MEGF11: variants seen among roughly 807,000 people sequenced by gnomAD.
MEGF11 encodes multiple EGF like domains 11.
MEGF11 carries 126 observed loss-of-function variants against 146.6 expected under a neutral mutation model. The observed-to-expected ratio is 0.86, with a 90% CI of 0.74 to 1.00. The LOEUF (loss-of-function observed/expected upper bound fraction) is 1.00, where lower values mean the gene tolerates loss of function less well. MEGF11 is among the 50% of genes least tolerant of loss of function. MEGF11 has a pLI of 0.00. For synonymous variants in MEGF11, 532 were observed against 583.4 expected (o/e 0.91, Z 1.27); for missense variants, 1,509 against 1,521.2 (o/e 0.99, Z 0.13).
chr15:66,175,291 T>C (rs1262761153), intron 1 of MEGF11, among the ~76,000 whole-genome samples: 2 of 152,100 alleles, frequency 1.3e-5, no homozygotes, highest in Non-Finnish European at 1.5e-5. Flanking sequence ...AAAATACCAA[T>C]GACAGTCTTC....
At chr15:66,010,993 ACT>A in intron 5 of MEGF11, among the ~76,000 whole-genome samples, 1 of 151,712 alleles carries the variant, frequency 6.6e-6, no homozygotes, top group South Asian at 2.1e-4. Flanking sequence ...GACAATGGAG[ACT>A]CTCTATGTGG....
intron 1 of MEGF11, among the ~76,000 whole-genome samples, chr15:66,146,474 GGGAT>G (rs2089374991): frequency 6.6e-6 from 1 of 152,246 alleles, no homozygotes; most frequent in Non-Finnish European, 1.5e-5. Flanking sequence ...CCGTTTGGAT[GGGAT>G]GGCCTCATCA....
At chr15:66,162,651 A>G (rs1177370973) in intron 1 of MEGF11, among the ~76,000 whole-genome samples, 2 of 152,216 alleles carry the variant, frequency 1.3e-5, no homozygotes, top group Non-Finnish European at 2.9e-5. Flanking sequence ...GGGAGAGGGC[A>G]TTGATGCCAA....
intron 2 of MEGF11, among the ~76,000 whole-genome samples, chr15:66,124,935 G>T (rs1385405163): frequency 6.6e-6 from 1 of 152,258 alleles, no homozygotes; most frequent in African/African-American, 2.4e-5. Context: ...ATGTAGGCTG[G>T]TATTATTCAG....
chr15:66,004,401 G>T (rs28584978), intron 5 of MEGF11, among the ~76,000 whole-genome samples: 3,843 of 140,230 alleles, frequency 0.027, 165 homozygotes, highest in African/African-American at 0.093. Flanking sequence ...GGGCACAGAG[G>T]GGGGGCTTCA....
chr15:66,141,233 G>GGTGTGTGT (rs572801225), intron 1 of MEGF11, among the ~76,000 whole-genome samples: 6 of 97,202 alleles, frequency 6.2e-5, no homozygotes, highest in African/African-American at 2.3e-4. Context: ...CAGACTCAGG[G>GGTGTGTGT]GTGTGTGTGT....
At chr15:66,203,274 A>G (rs1338117715) in intron 1 of MEGF11, among the ~76,000 whole-genome samples, 1 of 152,174 alleles carries the variant, frequency 6.6e-6, no homozygotes, top group Non-Finnish European at 1.5e-5. Flanking sequence ...CCCGCCTCAC[A>G]TGCAGGCTAC....
intron 1 of MEGF11, among the ~76,000 whole-genome samples, chr15:66,202,819 T>C (rs2091198967): frequency 1.3e-5 from 2 of 152,186 alleles, no homozygotes; most frequent in African/African-American, 4.8e-5. Flanking sequence ...CAGAGGGCGA[T>C]GGTCTGGCCC....
At chr15:66,177,169 T>A (rs574394857) in intron 1 of MEGF11, among the ~76,000 whole-genome samples, 2 of 152,278 alleles carry the variant, frequency 1.3e-5, no homozygotes, top group South Asian at 4.2e-4. Flanking sequence ...CCCCAAATTA[T>A]TCATATATAT....
At chr15:66,162,501 C>T (rs1264649012) in intron 1 of MEGF11, among the ~76,000 whole-genome samples, 1 of 152,058 alleles carries the variant, frequency 6.6e-6, no homozygotes, top group Non-Finnish European at 1.5e-5. Context: ...TGACGTTATG[C>T]CAAGCACAAG....
intron 5 of MEGF11, among the ~76,000 whole-genome samples, chr15:66,042,648 G>A (rs1036535318): frequency 6.6e-6 from 1 of 152,168 alleles, no homozygotes; most frequent in Admixed American, 6.5e-5. Context: ...AGTCCTGGCA[G>A]GGACACACTC....
At chr15:66,245,604 C>A (rs1308537890) in intron 1 of MEGF11, among the ~76,000 whole-genome samples, 1 of 152,112 alleles carries the variant, frequency 6.6e-6, no homozygotes, top group Non-Finnish European at 1.5e-5. Context: ...TGCACACCAG[C>A]CTGGGCAACA....
chr15:66,236,507 G>A (rs895233149), intron 1 of MEGF11, among the ~76,000 whole-genome samples: 1 of 152,190 alleles, frequency 6.6e-6, no homozygotes, highest in African/African-American at 2.4e-5. Flanking sequence ...CAGCTCTTCA[G>A]TCTGGGGGCA....
intron 5 of MEGF11, among the ~76,000 whole-genome samples, chr15:66,063,351 C>T (rs558157389): frequency 6.8e-4 from 103 of 152,262 alleles, no homozygotes; most frequent in African/African-American, 2.0e-3. Flanking sequence ...AGGTCAGATG[C>T]AGGGAGCCCA....
At chr15:66,025,961 G>A (rs1010951551) in intron 5 of MEGF11, among the ~76,000 whole-genome samples, 1 of 152,192 alleles carries the variant, frequency 6.6e-6, no homozygotes, top group African/African-American at 2.4e-5. Flanking sequence ...GGAGAGAAAG[G>A]CCTGACCAGC....
At chr15:65,938,906 G>T (rs1370885567) in intron 10 of MEGF11, among the ~76,000 whole-genome samples, 2 of 152,212 alleles carry the variant, frequency 1.3e-5, no homozygotes, top group Non-Finnish European at 2.9e-5. Context: ...CCTGCAATAT[G>T]CTGCTTTGTA....
chr15:66,109,920 G>A (rs1026795285), intron 4 of MEGF11, among the ~76,000 whole-genome samples: 5 of 152,206 alleles, frequency 3.3e-5, no homozygotes, highest in African/African-American at 4.8e-5. Flanking sequence ...GGAAAGCCTC[G>A]CAGAGACTTG....
chr15:66,135,838 C>A (rs181272022), intron 1 of MEGF11, among the ~76,000 whole-genome samples: 32 of 152,326 alleles, frequency 2.1e-4, no homozygotes, highest in African/African-American at 6.5e-4. Context: ...CCTCTGCCTC[C>A]TAAGTCACTA....
chr15:65,993,973 G>A (rs1381847124), intron 5 of MEGF11, among the ~76,000 whole-genome samples: 1 of 152,176 alleles, frequency 6.6e-6, no homozygotes, highest in Non-Finnish European at 1.5e-5. Flanking sequence ...GCCAAGCTGT[G>A]CCCATGGAGT....
Sources: allele counts gnomAD v4.1 joint callset (sites outside exome capture counted in the v4.1 genomes callset), GRCh38; gene constraint gnomAD v4.1.1; transcripts MANE v1.5; gene names NCBI Gene and HGNC (gene_info 2026-07-23, HGNC 2026-07-21).